COL23A1: variants seen among roughly 807,000 people sequenced by gnomAD.
COL23A1 encodes collagen alpha-1(XXIII) chain.
In COL23A1, 97 loss-of-function variants were observed where a neutral mutation model predicts 99.3. The observed-to-expected ratio is 0.98, with a 90% CI of 0.83 to 1.16. The LOEUF (loss-of-function observed/expected upper bound fraction) is 1.16, where lower values mean the gene tolerates loss of function less well. Among genes scored for constraint, COL23A1 ranks in the 50% most tolerant of loss-of-function variants. The probability of loss-of-function intolerance (pLI) is 0.00; values close to 1 mark genes in which losing one functional copy is unlikely to be tolerated. For synonymous variants in COL23A1, 320 were observed against 308.2 expected, an observed-to-expected ratio of 1.04 and a Z score of -0.40; for missense variants, 762 against 757.4, an observed-to-expected ratio of 1.01 and a Z score of -0.07.
At chr5:178,411,507 G>GA (rs1172734473) in intron 2 of COL23A1, among the ~76,000 whole-genome samples, 27 of 151,974 alleles carry the variant, frequency 1.8e-4, no homozygotes, top group Admixed American at 7.9e-4. Flanking sequence ...TGGATGAACT[G>GA]AAAAAAATAT....
At chr5:178,345,024 C>A in intron 2 of COL23A1, 1 of 579,366 alleles carries the variant, frequency 1.7e-6, no homozygotes, top group South Asian at 1.5e-5. Context: ...TGAGGATACT[C>A]ACCACCTGGA....
At chr5:178,347,534 C>A (rs867495940) in intron 2 of COL23A1, among the ~76,000 whole-genome samples, 1 of 151,884 alleles carries the variant, frequency 6.6e-6, no homozygotes, top group African/African-American at 2.4e-5. Context: ...ACACTAAAAA[C>A]CACCGAGTCA....
At chr5:178,311,484 C>CTGTGTGTGTGTGTG (rs1006253790) in intron 2 of COL23A1, among the ~76,000 whole-genome samples, 30 of 58,128 alleles carry the variant, frequency 5.2e-4, no homozygotes, top group African/African-American at 1.7e-3. Context: ...GTTCTTTCCT[C>CTGTGTGTGTGTGTG]TGTGTGTGTG....
chr5:178,272,772 G>A (rs539512117), intron 5 of COL23A1, among the ~76,000 whole-genome samples: 1 of 151,650 alleles, frequency 6.6e-6, no homozygotes, highest in East Asian at 2.0e-4. Context: ...AAGCCCTGCT[G>A]GGTGTCCTCA....
At chr5:178,383,189 C>G (rs1205248785) in intron 2 of COL23A1, among the ~76,000 whole-genome samples, 3 of 152,106 alleles carry the variant, frequency 2.0e-5, no homozygotes, top group African/African-American at 7.2e-5. Context: ...TTTGCATTTC[C>G]ACTTTCTGGA....
chr5:178,568,160 T>C (rs6888155), intron 1 of COL23A1, among the ~76,000 whole-genome samples: 8,875 of 152,310 alleles, frequency 0.058, 382 homozygotes, highest in South Asian at 0.11. Context: ...TGAGACATTC[T>C]ATAAAATACC....
intron 5 of COL23A1, among the ~76,000 whole-genome samples, chr5:178,275,809 C>G (rs562467544): frequency 1.3e-5 from 2 of 152,324 alleles, no homozygotes; most frequent in East Asian, 3.9e-4. Context: ...GTCTCCACAT[C>G]CTGCTGATTT....
At chr5:178,257,681 T>C (rs2913847) in intron 12 of COL23A1, 114 bp from the exon 13 acceptor site, 538,072 of 1,075,326 alleles carry the variant, frequency 0.5, 136,792 homozygotes, top group Admixed American at 0.57. Flanking sequence ...CACTGGCACA[T>C]GGTACCAGGC....
chr5:178,491,719 T>A (rs571736059), intron 2 of COL23A1, among the ~76,000 whole-genome samples: 13 of 152,266 alleles, frequency 8.5e-5, no homozygotes, highest in African/African-American at 1.2e-4. Context: ...TTCAATTTTT[T>A]AATTCATTTA....
chr5:178,530,963 G>T (rs919162098), intron 2 of COL23A1, among the ~76,000 whole-genome samples: 3 of 152,164 alleles, frequency 2.0e-5, no homozygotes, highest in African/African-American at 7.2e-5. Context: ...CATCTCCTGG[G>T]TTCATGAGAT....
At chr5:178,261,427 TA>T (rs542054264) in intron 11 of COL23A1, among the ~76,000 whole-genome samples, 55 of 144,036 alleles carry the variant, frequency 3.8e-4, no homozygotes, top group South Asian at 2.9e-3. Flanking sequence ...AATAGAAAAT[TA>T]AAAAAAAAAA....
intron 2 of COL23A1, among the ~76,000 whole-genome samples, chr5:178,474,602 A>T (rs1014440485): frequency 2.6e-5 from 4 of 152,240 alleles, no homozygotes; most frequent in Non-Finnish European, 4.4e-5. Flanking sequence ...GTAGAGGAAC[A>T]TGGCATACAG....
At chr5:178,356,989 A>G (rs780260262) in intron 2 of COL23A1, among the ~76,000 whole-genome samples, 22 of 152,254 alleles carry the variant, frequency 1.4e-4, no homozygotes, top group Admixed American at 4.6e-4. Context: ...GATGCTCAAC[A>G]AAAGTTAGGC....
At chr5:178,510,495 C>T (rs777572430) in intron 2 of COL23A1, among the ~76,000 whole-genome samples, 1 of 152,192 alleles carries the variant, frequency 6.6e-6, no homozygotes, top group African/African-American at 2.4e-5. Context: ...GAGCTGAGAT[C>T]GTGCCATTGT....
intron 2 of COL23A1, among the ~76,000 whole-genome samples, chr5:178,358,084 ACG>A: frequency 7.6e-6 from 1 of 132,046 alleles, no homozygotes; most frequent in Non-Finnish European, 1.6e-5. Flanking sequence ...ATGTGTATGT[ACG>A]TGTGTAGGTC....
intron 8 of COL23A1, chr5:178,265,817 A>G: frequency 2.0e-6 from 1 of 505,144 alleles, no homozygotes; most frequent in Non-Finnish European, 2.6e-6. Flanking sequence ...AAAGCCACTT[A>G]ACCAAGCCCA....
chr5:178,565,399 C>T (rs929426134), intron 1 of COL23A1, among the ~76,000 whole-genome samples: 7 of 152,158 alleles, frequency 4.6e-5, no homozygotes, highest in South Asian at 4.2e-4. Context: ...AAGGGCTTGT[C>T]GAGAACCAAA....
In COL23A1 at chr5:178,590,126, T is replaced by TCCGCCG. The variant is rs765794127; in HGVS notation, c.66_71dup (p.Gly24_Gly25dup). 6 of 1,239,914 alleles carry TCCGCCG rather than the reference T, an allele frequency of 4.8e-6. No homozygotes were observed. Among genetic ancestry groups the TCCGCCG allele is most frequent in the Non-Finnish European group, 3.0e-6 (3 of 994,924 alleles). 76.8% of individuals were successfully genotyped at this position (1,239,914 alleles called of 1,614,324 possible). On this transcript the variant is annotated inframe_insertion, in exon 1 of 29. Transcript: ENST00000390654. The surrounding 1 kb of genome is among the most constrained non-coding windows in gnomAD (Gnocchi z 5.7). ...ACCCGGCCGTCGTCGCCGAGCGCCC[T>TCCGCCG]CCGCCGCCGCCGCCCGCCGCATTGC...
chr5:178,571,575 G>C (rs1264309139), intron 1 of COL23A1, among the ~76,000 whole-genome samples: 1 of 146,052 alleles, frequency 6.8e-6, no homozygotes, highest in South Asian at 2.2e-4. Context: ...ATCTCATGAG[G>C]TAAAAGTCAT....
Sources: gnomAD v4.1 joint callset for allele counts (sites outside exome capture counted in the v4.1 genomes callset) on GRCh38, gnomAD v4.1.1 for gene constraint, Gnocchi (gnomAD v3.1) non-coding constraint, MANE v1.5 for transcripts, NCBI Gene and HGNC (gene_info 2026-07-23, HGNC 2026-07-21) for gene names.